Variants in ADGRD1 observed in about 807,000 individuals in gnomAD.
ADGRD1 encodes the protein G-protein coupled receptor 133.
In ADGRD1, 77 loss-of-function variants were observed where a neutral mutation model predicts 113.4. That is an observed-to-expected ratio of 0.68 (90% CI 0.57 to 0.82). The LOEUF (loss-of-function observed/expected upper bound fraction) is 0.82, where lower values mean the gene tolerates loss of function less well. Among genes scored for constraint, ADGRD1 ranks in the 40% least tolerant of loss-of-function variants. ADGRD1 has a pLI of 0.00. For missense variants in ADGRD1, 1,036 were observed against 1,139.1 expected (o/e 0.91, Z 1.30); for synonymous variants, 474 against 475.0 (o/e 1.00, Z 0.03).
intron 4 of ADGRD1, chr12:130,977,640 T>A (rs1478314643): frequency 6.6e-6 from 1 of 152,434 alleles, no homozygotes; most frequent in Admixed American, 6.5e-5. Context: ...GGGAGCAGCA[T>A]CCGCTCAGAA....
Position 131,002,729 on chromosome 12 carries a change from G to A in ADGRD1, c.1027-456G>A, listed in dbSNP as rs775244986. 5.4e-5 allele frequency: 67 copies of A among 1,249,774 alleles called. No individual in the cohort carries two copies. In the Middle Eastern group the frequency reaches 6.8e-4, roughly 13 times the overall value. The allele number at this position is 1,249,774 out of a possible 1,614,324, so 77.4% of individuals were successfully genotyped here. ...GCAGCCAGAGATAGCTCTGGGTGCC[G>A]GCACCTCGGAAGCAGCCACCCTTCA... On this transcript the variant is annotated intron_variant, in intron 9 of 24. Transcript: ENST00000261654.
intron 13 of ADGRD1, among the ~76,000 whole-genome samples, chr12:131,043,698 G>A (rs1290658327): frequency 6.6e-6 from 1 of 152,260 alleles, no homozygotes; most frequent in Non-Finnish European, 1.5e-5. Flanking sequence ...GGGCCACACG[G>A]GGATGCACGT....
At chr12:130,956,315 C>T (rs991038343) in intron 2 of ADGRD1, 1 of 152,288 alleles carries the variant, frequency 6.6e-6, no homozygotes, top group Non-Finnish European at 1.5e-5. Flanking sequence ...CCACCACCTC[C>T]ATTCACCAAC....
At chr12:131,040,068 T>C (rs1881960648) in intron 13 of ADGRD1, among the ~76,000 whole-genome samples, 1 of 152,162 alleles carries the variant, frequency 6.6e-6, no homozygotes, top group Non-Finnish European at 1.5e-5. Context: ...GGCATGACCT[T>C]CCCGGCCCCT....
In ADGRD1 at chr12:130,958,715, C is replaced by T. The variant is rs1413815927; in HGVS notation, c.103+4055C>T. Among the ~76,000 whole-genome samples, 5 of 152,328 alleles carry T rather than the reference C, an allele frequency of 3.3e-5. No individual in the cohort carries two copies. The East Asian group carries it at 7.7e-4, about 24-fold the overall frequency. On this transcript the variant is annotated intron_variant, in intron 2 of 24. Transcript: ENST00000261654. ...TCCTCAGGAGCGCTCATGACGGGCA[C>T]GGGCGTCACAAACACACCAACAGAA...
intron 3 of ADGRD1, chr12:130,968,269 C>T (rs1226424110): frequency 4.6e-5 from 7 of 152,376 alleles, no homozygotes; most frequent in African/African-American, 1.7e-4. Flanking sequence ...GAATTTTGCT[C>T]CCTGAATATA....
chr12:131,035,270 G>A (rs1000212034), intron 13 of ADGRD1: 7 of 152,462 alleles, frequency 4.6e-5, no homozygotes, highest in South Asian at 4.1e-4. Context: ...TGGGCTCACC[G>A]CGCTGTGTCC....
chr12:131,063,945 ATCT>A (rs1283578621), intron 13 of ADGRD1, among the ~76,000 whole-genome samples: 3 of 152,248 alleles, frequency 2.0e-5, no homozygotes, highest in East Asian at 3.9e-4. Flanking sequence ...TTTATTTAAA[ATCT>A]TCTTTGGTTT....
Position 131,139,477 on chromosome 12 carries a change from C to T in ADGRD1, c.*214C>T. On this transcript the variant is annotated 3_prime_UTR_variant, in exon 25 of 25. Transcript: ENST00000261654. The stretch of plus-strand genomic sequence containing the variant: ...GCCCAGGCCAGCGTGGGCCCTCCTG[C>T]CTTGCATCCACCCGTGGGCTGAGTG... The T allele has an allele frequency of 1.8e-6, 1 of 550,608 alleles. No individual in the cohort carries two copies. The highest frequency in any genetic ancestry group is 3.3e-6 in the Non-Finnish European group (1 of 304,040). 34.1% of individuals were successfully genotyped at this position (550,608 alleles called of 1,614,324 possible). A position where few individuals can be genotyped will look rare whatever the true frequency, so the allele number is the denominator to read the frequency against.
intron 13 of ADGRD1, among the ~76,000 whole-genome samples, chr12:131,054,962 C>T (rs892305982): frequency 2.6e-5 from 4 of 152,180 alleles, no homozygotes; most frequent in Non-Finnish European, 4.4e-5. Flanking sequence ...GCGGTGAGTC[C>T]GGTCTTGTTA....
intron 5 of ADGRD1, among the ~76,000 whole-genome samples, chr12:130,986,213 G>C (rs899855416): frequency 2.6e-5 from 4 of 152,148 alleles, no homozygotes; most frequent in African/African-American, 9.7e-5. Context: ...TATTGGGATT[G>C]TGTTGAATAT....
At chr12:130,986,544 T>C (rs1218326900) in intron 5 of ADGRD1, among the ~76,000 whole-genome samples, 1 of 152,256 alleles carries the variant, frequency 6.6e-6, no homozygotes, top group Non-Finnish European at 1.5e-5. Context: ...AGCTTTGTTG[T>C]TGATTCTTTT....
intron 15 of ADGRD1, among the ~76,000 whole-genome samples, chr12:131,103,468 C>T (rs563538075): frequency 1.1e-3 from 167 of 152,378 alleles, no homozygotes; most frequent in African/African-American, 3.7e-3. Flanking sequence ...GCCCCTCGGG[C>T]GTGAGCCCAC....
rs553718428 is a variant in ADGRD1, at chr12:131,007,896, T to A, written c.1331+1849T>A. On this transcript the variant is annotated intron_variant, in intron 12 of 24. Coordinates refer to ENST00000261654, the MANE Select transcript of ADGRD1 (RefSeq NM_198827.5). Reference sequence around the variant, plus strand: ...TCAAAATTCACCTGGAAAAAAATCATGCAAACAGCTCATCCAGTAAAGTCT... The same window carrying A: ...TCAAAATTCACCTGGAAAAAAATCAAGCAAACAGCTCATCCAGTAAAGTCT... Among the ~76,000 whole-genome samples, 4 of 145,856 alleles carry A rather than the reference T, an allele frequency of 2.7e-5. No individual in the cohort carries two copies. The South Asian group carries it at 8.9e-4, about 32-fold the overall frequency.
In ADGRD1 at chr12:131,011,288, C is replaced by T. The variant is rs568389070; in HGVS notation, c.1332-2911C>T. Reference sequence around the variant, plus strand: ...TCTTGACTTGGCCGACATCTGGCGTCGCACTGATTACCAAACTGGGCCTGG... The same window carrying T: ...TCTTGACTTGGCCGACATCTGGCGTTGCACTGATTACCAAACTGGGCCTGG... On this transcript the variant is annotated intron_variant, in intron 12 of 24. Coordinates refer to ENST00000261654, the MANE Select transcript of ADGRD1 (RefSeq NM_198827.5). Among the ~76,000 whole-genome samples, 34 of 151,566 alleles carry T rather than the reference C, an allele frequency of 2.2e-4. No individual in the cohort carries two copies. In the Middle Eastern group the frequency reaches 0.01, roughly 45 times the overall value.
At chr12:131,104,451 T>C (rs1950179586) in intron 15 of ADGRD1, among the ~76,000 whole-genome samples, 2 of 152,202 alleles carry the variant, frequency 1.3e-5, no homozygotes, top group Admixed American at 1.3e-4. Context: ...AGCCAGGACG[T>C]GGCCCAGCTG....
intron 14 of ADGRD1, among the ~76,000 whole-genome samples, chr12:131,083,943 G>A (rs984566460): frequency 6.6e-6 from 1 of 152,224 alleles, no homozygotes; most frequent in Admixed American, 6.5e-5. Context: ...TTCGTGGGAA[G>A]TGTGTGGTGC....
At position 131,081,855 on chromosome 12, in the gene ADGRD1, C is replaced by G. The variant is rs535015325; in HGVS notation, c.1548-2685C>G. Among the ~76,000 whole-genome samples, 5 of 152,238 alleles carry G rather than the reference C, an allele frequency of 3.3e-5. No individual in the cohort carries two copies. The East Asian group carries it at 9.6e-4, about 29-fold the overall frequency. ...TTCAGTTACCATTTGAAAAAGTATT[C>G]TCTTTTAGTCTTGAAAGATTTTCAT... is the stretch of plus-strand genomic sequence containing the variant. On this transcript the variant is annotated intron_variant, in intron 14 of 24. Coordinates refer to ENST00000261654, the MANE Select transcript of ADGRD1 (RefSeq NM_198827.5).
chr12:131,086,998 T>C (rs1215657748), intron 15 of ADGRD1, among the ~76,000 whole-genome samples: 1 of 152,172 alleles, frequency 6.6e-6, no homozygotes, highest in Non-Finnish European at 1.5e-5. Flanking sequence ...CTTGAACTCC[T>C]GGGCTCAGGC....
Sources: gnomAD v4.1 joint callset for allele counts (sites outside exome capture counted in the v4.1 genomes callset) on GRCh38, gnomAD v4.1.1 for gene constraint, MANE v1.5 for transcripts, NCBI Gene and HGNC (gene_info 2026-07-23, HGNC 2026-07-21) for gene names.